FRAS1: variants seen among roughly 807,000 people sequenced by gnomAD.
The protein encoded by FRAS1 is Fraser extracellular matrix complex subunit 1.
In FRAS1, 290 loss-of-function variants were observed where a neutral mutation model predicts 435.2. That is an observed-to-expected ratio of 0.67 (90% CI 0.61 to 0.73). FRAS1 has a LOEUF of 0.73. FRAS1 is among the 30% of genes least tolerant of loss of function. FRAS1 has a pLI of 0.00. For synonymous variants in FRAS1, 1,800 were observed against 1,851.0 expected (o/e 0.97, Z 0.71); for missense variants, 4,860 against 5,001.5 (o/e 0.97, Z 0.85).
chr4:78,324,145 C>G (rs1269807639), intron 18 of FRAS1, among the ~76,000 whole-genome samples: 2 of 152,060 alleles, frequency 1.3e-5, no homozygotes, highest in Non-Finnish European at 1.5e-5. Flanking sequence ...TTTTTTCTCA[C>G]TGCATGCATT....
intron 50 of FRAS1, 130 bp from the exon 51 acceptor site, chr4:78,469,848 G>C: frequency 1.4e-6 from 1 of 706,274 alleles, no homozygotes; most frequent in Non-Finnish European, 2.6e-6. Context: ...GGATGGGAAC[G>C]GGCTCAGTTG....
intron 6 of FRAS1, among the ~76,000 whole-genome samples, chr4:78,262,574 G>A (rs1398544791): frequency 6.6e-6 from 1 of 152,164 alleles, no homozygotes; most frequent in Admixed American, 6.5e-5. Context: ...ATGGCAGGAG[G>A]TGGACTGTTT....
chr4:78,303,789 T>C (rs1337271085), intron 14 of FRAS1, among the ~76,000 whole-genome samples: 2 of 151,760 alleles, frequency 1.3e-5, no homozygotes, highest in African/African-American at 4.8e-5. Context: ...TATACAATCA[T>C]GTCATCTGCA....
intron 29 of FRAS1, among the ~76,000 whole-genome samples, chr4:78,395,313 T>C (rs1732613966): frequency 6.6e-6 from 1 of 152,030 alleles, no homozygotes; most frequent in Non-Finnish European, 1.5e-5. Flanking sequence ...CCATATGTGC[T>C]GGAGAAGAAT....
intron 14 of FRAS1, among the ~76,000 whole-genome samples, chr4:78,292,855 C>T (rs563125515): frequency 1.3e-5 from 2 of 152,278 alleles, no homozygotes; most frequent in Admixed American, 6.5e-5. Flanking sequence ...TCTACCACTG[C>T]CTTCACTCAT....
intron 2 of FRAS1, among the ~76,000 whole-genome samples, chr4:78,161,742 CAA>C (rs71214399): frequency 0.011 from 264 of 24,850 alleles, no homozygotes; most frequent in Middle Eastern, 0.038. Flanking sequence ...AACTCTGTCT[CAA>C]AAAAAAAAAA....
At chr4:78,448,465 A>G (rs1487538084) in intron 44 of FRAS1, 149 bp downstream of exon 44, 2 of 721,882 alleles carry the variant, frequency 2.8e-6, no homozygotes, top group Non-Finnish European at 4.2e-6. Flanking sequence ...TTGGAAAACT[A>G]TTGTTTTTGG....
At chr4:78,129,247 T>C (rs1451652112) in intron 2 of FRAS1, among the ~76,000 whole-genome samples, 1 of 152,236 alleles carries the variant, frequency 6.6e-6, no homozygotes, top group Non-Finnish European at 1.5e-5. Context: ...GGCTCTTTTT[T>C]GGTTCCATAT....
intron 32 of FRAS1, 67 bp from the exon 33 acceptor site, chr4:78,418,882 T>A: frequency 2.3e-6 from 2 of 883,392 alleles, no homozygotes; most frequent in Non-Finnish European, 3.6e-6. Context: ...CTTAATAAGG[T>A]CTGTTTTTGC....
chr4:78,112,695 G>A (rs1012987630), intron 2 of FRAS1, among the ~76,000 whole-genome samples: 2 of 151,886 alleles, frequency 1.3e-5, no homozygotes, highest in Non-Finnish European at 2.9e-5. Context: ...ACAATCAAAT[G>A]TCTATGCTTC....
chr4:78,435,684 GCCAAGAT>G (rs1244904200), intron 38 of FRAS1, among the ~76,000 whole-genome samples: 1 of 151,476 alleles, frequency 6.6e-6, no homozygotes, highest in Non-Finnish European at 1.5e-5. Flanking sequence ...GTTGCAGTGA[GCCAAGAT>G]CATACCACTG....
intron 20 of FRAS1, among the ~76,000 whole-genome samples, chr4:78,362,897 C>T (rs1731130420): frequency 6.6e-6 from 1 of 152,062 alleles, no homozygotes; most frequent in Non-Finnish European, 1.5e-5. Flanking sequence ...GTGGGGCATA[C>T]CATAGGTAGT....
chr4:78,425,099 G>GGAT (rs1429231765), intron 35 of FRAS1, among the ~76,000 whole-genome samples: 4 of 93,612 alleles, frequency 4.3e-5, no homozygotes, highest in Admixed American at 1.0e-4. Context: ...TCTTAAATGG[G>GGAT]GATAATAATA....
intron 2 of FRAS1, among the ~76,000 whole-genome samples, chr4:78,134,584 T>C (rs1274615032): frequency 6.6e-6 from 1 of 152,198 alleles, no homozygotes; most frequent in Non-Finnish European, 1.5e-5. Context: ...CCTGAATCAC[T>C]CCTTTCATGA....
intron 2 of FRAS1, among the ~76,000 whole-genome samples, chr4:78,103,813 G>A (rs368257473): frequency 6.6e-6 from 1 of 152,202 alleles, no homozygotes; most frequent in Non-Finnish European, 1.5e-5. Context: ...AGAACTATGA[G>A]AAATAAATTT....
At chr4:78,265,987 G>A (rs1483013015) in intron 7 of FRAS1, among the ~76,000 whole-genome samples, 1 of 152,162 alleles carries the variant, frequency 6.6e-6, no homozygotes, top group Non-Finnish European at 1.5e-5. Flanking sequence ...TATGTGGCTT[G>A]CATTATATTT....
At chr4:78,181,651 T>C in intron 2 of FRAS1, 1 of 1,609,786 alleles carries the variant, frequency 6.2e-7, no homozygotes. Flanking sequence ...GTTCACAAGG[T>C]GGTTGCCTTT....
At chr4:78,427,300 A>G (rs1364783971) in intron 35 of FRAS1, among the ~76,000 whole-genome samples, 1 of 152,158 alleles carries the variant, frequency 6.6e-6, no homozygotes, top group Non-Finnish European at 1.5e-5. Flanking sequence ...CCCCAACACC[A>G]GGAGGCTCTC....
At chr4:78,171,998 C>T (rs1721580486) in intron 2 of FRAS1, among the ~76,000 whole-genome samples, 1 of 152,116 alleles carries the variant, frequency 6.6e-6, no homozygotes, top group Non-Finnish European at 1.5e-5. Context: ...GAATAGCTTC[C>T]TTCCGTCTTT....
Sources: gnomAD v4.1 joint callset for allele counts (sites outside exome capture counted in the v4.1 genomes callset) on GRCh38, gnomAD v4.1.1 for gene constraint, MANE v1.5 for transcripts, NCBI Gene and HGNC (gene_info 2026-07-23, HGNC 2026-07-21) for gene names.